PCDHGA6: variants seen among roughly 807,000 people sequenced by gnomAD.
PCDHGA6 encodes protocadherin gamma subfamily A, 6.
In PCDHGA6, 41 loss-of-function variants were observed where a neutral mutation model predicts 60.6. That is an observed-to-expected ratio of 0.68 (90% CI 0.53 to 0.88). The LOEUF (loss-of-function observed/expected upper bound fraction) is 0.88, where lower values mean the gene tolerates loss of function less well. Among genes scored for constraint, PCDHGA6 ranks in the 40% least tolerant of loss-of-function variants. PCDHGA6 has a pLI of 0.00. For missense variants in PCDHGA6, 1,312 were observed against 1,203.0 expected (o/e 1.09, Z -1.34); for synonymous variants, 594 against 524.4 (o/e 1.13, Z -1.81).
At chr5:141,452,511 A>G (rs573632978) in intron 1 of PCDHGA6, among the ~76,000 whole-genome samples, 1 of 152,056 alleles carries the variant, frequency 6.6e-6, no homozygotes, top group South Asian at 2.1e-4. Context: ...TTGTACACAC[A>G]CTCCCTCAAA....
chr5:141,432,538 G>C lies in PCDHGA6; in HGVS notation c.2424+56031G>C, dbSNP rs200601557. The C allele has an allele frequency of 2.5e-5, 40 of 1,614,026 alleles. No individual in the cohort carries two copies. The highest frequency in any genetic ancestry group is 1.5e-4 in the Admixed American group (9 of 60,032). On this transcript the variant is annotated intron_variant, in intron 1 of 3. Coordinates refer to ENST00000517434, the MANE Select transcript of PCDHGA6 (RefSeq NM_018919.3). This position sits in a 1 kb window ranked among gnomAD's most constrained non-coding sequence, Gnocchi z 6.0. ...GCTACCTGGTGACCAAGGTGGTGGC[G>C]GTGGACAGAGACTCCGGCCAGAACG...
chr5:141,415,740 G>GTTTTTTTTTTTTTTTTTTTGTTT, intron 1 of PCDHGA6: 1 of 617,992 alleles, frequency 1.6e-6, no homozygotes, highest in Non-Finnish European at 2.1e-6. Flanking sequence ...GTTTATTAAG[G>GTTTTTTTTTTTTTTTTTTTGTTT]TTTTTTTTTT....
intron 1 of PCDHGA6, chr5:141,420,098 A>G: frequency 6.2e-7 from 1 of 1,614,034 alleles, no homozygotes; most frequent in African/African-American, 1.3e-5. Flanking sequence ...CAGTGAGGGA[A>G]CGTTGCCCTA....
intron 1 of PCDHGA6, chr5:141,388,748 C>T: frequency 6.2e-7 from 1 of 1,613,928 alleles, no homozygotes; most frequent in Non-Finnish European, 8.5e-7. Flanking sequence ...GCCAGATCAC[C>T]CAATTTGACC....
intron 1 of PCDHGA6, chr5:141,417,913 T>A (rs749352432): frequency 1.2e-6 from 2 of 1,601,944 alleles, no homozygotes; most frequent in African/African-American, 1.3e-5. Flanking sequence ...AGGTACTATT[T>A]CCTTTGCTGC....
rs2099383865 is a variant in PCDHGA6, at chr5:141,476,005, A to G, written c.2425-18802A>G. 1 of 1,267,576 alleles carries G rather than the reference A, an allele frequency of 7.9e-7. No homozygotes were observed. Among genetic ancestry groups the G allele is most frequent in the East Asian group, 2.3e-5 (1 of 42,864 alleles). 78.5% of individuals were successfully genotyped at this position (1,267,576 alleles called of 1,614,324 possible). A position where few individuals can be genotyped will look rare whatever the true frequency, so the allele number is the denominator to read the frequency against. ...CGGCGAGCAAATCAACGGCATCCAG[A>G]AAGCCATGTCGGACTCGGCGCCCAG... On this transcript the variant is annotated intron_variant, in intron 1 of 3. Coordinates refer to ENST00000517434, the MANE Select transcript of PCDHGA6 (RefSeq NM_018919.3). This position sits in a 1 kb window ranked among gnomAD's most constrained non-coding sequence, Gnocchi z 7.6.
Position 141,486,799 on chromosome 5 carries a change from C to A in PCDHGA6, c.2425-8008C>A. The A allele has an allele frequency of 6.2e-7, 1 of 1,614,220 alleles. No individual in the cohort carries two copies. Among genetic ancestry groups the A allele is most frequent in the African/African-American group, 1.3e-5 (1 of 75,060 alleles). ...AGGTGCAGGCCCGGGATCGGGGCAA[C>A]CCACCCCTTAGCAGCACTGTAACAG... On this transcript the variant is annotated intron_variant, in intron 1 of 3. Coordinates refer to ENST00000517434, the MANE Select transcript of PCDHGA6 (RefSeq NM_018919.3). This position sits in a 1 kb window ranked among gnomAD's most constrained non-coding sequence, Gnocchi z 5.0.
At position 141,374,354 on chromosome 5, in the gene PCDHGA6, G is replaced by C; in HGVS notation, c.271G>C (p.Asp91His). 1 of 1,614,036 alleles carries C rather than the reference G, an allele frequency of 6.2e-7. No individual in the cohort carries two copies. Among genetic ancestry groups the C allele is most frequent in the East Asian group, 2.2e-5 (1 of 44,868 alleles). The part of the protein sequence containing the change: ...NGSLVTAGRI[D>H]REELCAQSPR... Reference sequence around the variant, plus strand: ...CAGCTTGGTCACCGCGGGTAGGATAGACCGCGAGGAGCTCTGTGCTCAGAG... The same window carrying C: ...CAGCTTGGTCACCGCGGGTAGGATACACCGCGAGGAGCTCTGTGCTCAGAG... Residue 91 changes from aspartate to histidine, a missense_variant, in exon 1 of 4, where the codon GAC (aspartate) becomes CAC (histidine). Coordinates refer to ENST00000517434, the MANE Select transcript of PCDHGA6 (RefSeq NM_018919.3).
chr5:141,421,130 A>G, intron 1 of PCDHGA6: 1 of 827,800 alleles, frequency 1.2e-6, no homozygotes, highest in South Asian at 1.8e-5. Context: ...GCTTTCTGAT[A>G]TATTTTGGAT....
chr5:141,451,414 A>G (rs934393544), intron 1 of PCDHGA6, among the ~76,000 whole-genome samples: 2 of 152,108 alleles, frequency 1.3e-5, no homozygotes, highest in African/African-American at 2.4e-5. Flanking sequence ...TTCCTTGTGG[A>G]TTGTTAGACT....
intron 1 of PCDHGA6, chr5:141,392,967 C>A (rs1442170331): frequency 1.2e-6 from 2 of 1,613,766 alleles, no homozygotes; most frequent in African/African-American, 2.7e-5. Context: ...CTCCAAGGAC[C>A]TGGGGCTGGA....
At chr5:141,393,842 T>C (rs1010461527) in intron 1 of PCDHGA6, 5 of 1,613,948 alleles carry the variant, frequency 3.1e-6, no homozygotes, top group Non-Finnish European at 4.2e-6. Context: ...TAAATGACAA[T>C]AGACCAGAAG....
chr5:141,489,126 T>G lies in PCDHGA6; in HGVS notation c.2425-5681T>G. 31 of 585,108 alleles carry G rather than the reference T, an allele frequency of 5.3e-5. No homozygotes were observed. Among genetic ancestry groups the G allele is most frequent in the South Asian group, 1.3e-4 (4 of 31,402 alleles). 36.2% of individuals were successfully genotyped at this position (585,108 alleles called of 1,614,324 possible). On this transcript the variant is annotated intron_variant, in intron 1 of 3. Transcript: ENST00000517434. The surrounding 1 kb of genome is among the most constrained non-coding windows in gnomAD (Gnocchi z 4.5). ...TGCAAGCAGGCAAACCTCCGAGCAG[T>G]TTTTAAGAGGCTGGAAGGAGACATA...
rs899154780 is a variant in PCDHGA6, at chr5:141,402,932, A to C, written c.2424+26425A>C. ...AGCGCGCACAGAGATCCTTTTGAGAAAATTCCAAAGCGAGGCAGCAATGGC... is the reference window on the plus strand; with the variant it reads ...AGCGCGCACAGAGATCCTTTTGAGACAATTCCAAAGCGAGGCAGCAATGGC... On this transcript the variant is annotated intron_variant, in intron 1 of 3. Coordinates refer to ENST00000517434, the MANE Select transcript of PCDHGA6 (RefSeq NM_018919.3). 3 of 1,584,974 alleles carry C rather than the reference A, an allele frequency of 1.9e-6. No individual in the cohort carries two copies. In the Admixed American group the frequency reaches 5.4e-5, roughly 29 times the overall value.
At chr5:141,404,495 T>A in intron 1 of PCDHGA6, 1 of 1,613,920 alleles carries the variant, frequency 6.2e-7, no homozygotes, top group South Asian at 1.1e-5. Context: ...TGGTGTGCTG[T>A]ATGCTCTGTG....
At chr5:141,420,537 T>C (rs1246315357) in intron 1 of PCDHGA6, 2 of 317,450 alleles carry the variant, frequency 6.3e-6, no homozygotes, top group Non-Finnish European at 1.1e-5. Context: ...GTTAAAAATA[T>C]AAAATACAGG....
At chr5:141,469,992 G>A (rs894673835) in intron 1 of PCDHGA6, among the ~76,000 whole-genome samples, 10 of 152,054 alleles carry the variant, frequency 6.6e-5, no homozygotes, top group South Asian at 2.1e-4. Context: ...TTAGCTGGTC[G>A]TCGTGGCACG....
Position 141,375,821 on chromosome 5 carries a change from C to T in PCDHGA6, c.1738C>T (p.Arg580Cys). The T allele has an allele frequency of 6.2e-7, 1 of 1,614,192 alleles. No individual in the cohort carries two copies. The highest frequency in any genetic ancestry group is 8.5e-7 in the Non-Finnish European group (1 of 1,180,048). ...TTCCACTGGCGTGGAGCTGGCGCCC[C>T]GCTCCGCAGAGCCCGGCTACCTGGT... Reference protein sequence around the residue: ...DGSTGVELAPRSAEPGYLVTK... With the variant: ...DGSTGVELAPCSAEPGYLVTK... Residue 580 changes from arginine to cysteine, a missense_variant, in exon 1 of 4, where the codon CGC becomes TGC. Coordinates refer to ENST00000517434, the MANE Select transcript of PCDHGA6 (RefSeq NM_018919.3).
In PCDHGA6 at chr5:141,441,877, C is replaced by T. The variant is rs945298341; in HGVS notation, c.2425-52930C>T. ...GCTGCACGCCGCGGAGCCTGGCTACCTGGTCACCAAGGTGGTGGCTGTAGA... is the reference window on the plus strand; with the variant it reads ...GCTGCACGCCGCGGAGCCTGGCTACTTGGTCACCAAGGTGGTGGCTGTAGA... On this transcript the variant is annotated intron_variant, in intron 1 of 3. Transcript: ENST00000517434. 4 of 343,582 alleles carry T rather than the reference C, an allele frequency of 1.2e-5. No homozygotes were observed. In the Admixed American group the frequency reaches 1.6e-4, roughly 13 times the overall value. 21.3% of individuals were successfully genotyped at this position (343,582 alleles called of 1,614,324 possible).
Sources: allele counts gnomAD v4.1 joint callset (sites outside exome capture counted in the v4.1 genomes callset), GRCh38; gene constraint gnomAD v4.1.1; non-coding constraint Gnocchi (gnomAD v3.1); transcripts MANE v1.5; gene names NCBI Gene and HGNC (gene_info 2026-07-23, HGNC 2026-07-21).